The following RBFOX1 variants were observed in gnomAD, a reference collection of about 807,000 sequenced individuals.
RBFOX1 encodes RNA binding fox-1 homolog 1.
Under a neutral mutation model 57.7 loss-of-function variants are expected in RBFOX1, and 8 were observed. That is an observed-to-expected ratio of 0.14 (90% CI 0.08 to 0.25). The LOEUF (loss-of-function observed/expected upper bound fraction) is 0.25, where lower values mean the gene tolerates loss of function less well. Among genes scored for constraint, RBFOX1 ranks in the 10% least tolerant of loss-of-function variants. RBFOX1 has a pLI of 1.00. For synonymous variants in RBFOX1, 326 were observed against 222.4 expected (o/e 1.47, Z -4.15); for missense variants, 611 against 548.5 (o/e 1.11, Z -1.14).
intron 3 of RBFOX1, among the ~76,000 whole-genome samples, chr16:6,969,171 C>T (rs2084957747): frequency 6.6e-6 from 1 of 152,110 alleles, no homozygotes; most frequent in Admixed American, 6.6e-5. Context: ...AAATAGGTAA[C>T]TTAACTTCTC....
rs71142688 is a variant in RBFOX1 at position 6,183,486 on chromosome 16, T to TTAAATAAATAAATAAA, written c.-126-133483_-126-133468dup. ...CAGAGCAAGGCTCCATCTAAAAAAA[T>TTAAATAAATAAATAAA]TAAATAAATAAATAAATAAATAAAT... On this transcript the variant is annotated intron_variant, in intron 1 of 15. Transcript: ENST00000550418. 8.5e-4 allele frequency among the ~76,000 whole-genome samples: 120 copies of TTAAATAAATAAATAAA among 140,892 alleles called. 1 individual carries two copies. Among genetic ancestry groups the TTAAATAAATAAATAAA allele is most frequent in the Admixed American group, 2.0e-3 (27 of 13,780 alleles). 92.4% of individuals were successfully genotyped at this position (140,892 alleles called of 152,430 possible).
At chr16:6,672,355 T>G (rs1288334830) in intron 3 of RBFOX1, among the ~76,000 whole-genome samples, 5 of 124,696 alleles carry the variant, frequency 4.0e-5, no homozygotes, top group East Asian at 2.3e-4. Context: ...GGGAGGAGAG[T>G]GAGAGAGAGA....
At chr16:7,091,221 T>C (rs2060798264) in intron 4 of RBFOX1, among the ~76,000 whole-genome samples, 1 of 152,206 alleles carries the variant, frequency 6.6e-6, no homozygotes, top group African/African-American at 2.4e-5. Context: ...ACACTTCCTC[T>C]GTTTTTACTT....
chr16:5,454,961 T>TTCTTTCTTTCTTTC (rs2068575665), intron 1 of RBFOX1, among the ~76,000 whole-genome samples: 1 of 47,452 alleles, frequency 2.1e-5, no homozygotes, highest in African/African-American at 7.4e-5. Flanking sequence ...CTTCCTTCCT[T>TTCTTTCTTTCTTTC]TCTTTCTTTC....
chr16:6,932,684 CAT>C (rs1419755294), intron 3 of RBFOX1, among the ~76,000 whole-genome samples: 2 of 152,166 alleles, frequency 1.3e-5, no homozygotes, highest in African/African-American at 4.8e-5. Context: ...TGCTCAAACA[CAT>C]GTCTCTACTT....
rs75888516 is a variant in RBFOX1, at chr16:7,127,347, G to T, written c.27+75249G>T. On this transcript the variant is annotated intron_variant, in intron 4 of 15. Transcript: ENST00000550418. ...AGAAGGTTAAAAGTAACAATCTCAG[G>T]TCTGGTTATAAGCATTTTGTAAATA... 4.1e-4 allele frequency among the ~76,000 whole-genome samples: 62 copies of T among 152,182 alleles called. No homozygotes were observed. In the East Asian group the frequency reaches 0.01, roughly 25 times the overall value.
intron 2 of RBFOX1, among the ~76,000 whole-genome samples, chr16:6,598,563 C>T (rs2097802732): frequency 6.6e-6 from 1 of 152,158 alleles, no homozygotes; most frequent in African/African-American, 2.4e-5. Context: ...ATGAGAAACA[C>T]TTTAAAAGTT....
At chr16:5,913,915 A>T (rs565890015) in intron 4 of RBFOX1, among the ~76,000 whole-genome samples, 80 of 152,370 alleles carry the variant, frequency 5.3e-4, no homozygotes, top group African/African-American at 1.8e-3. Context: ...TAAGAGGTGG[A>T]CAGGGTATAT....
intron 2 of RBFOX1, among the ~76,000 whole-genome samples, chr16:6,491,280 T>G (rs918776172): frequency 8.5e-5 from 13 of 152,050 alleles, no homozygotes; most frequent in African/African-American, 3.1e-4. Flanking sequence ...AAAATAGCCA[T>G]TTTAATTCCA....
intron 1 of RBFOX1, among the ~76,000 whole-genome samples, chr16:6,228,563 A>G (rs1046293518): frequency 6.6e-6 from 1 of 152,232 alleles, no homozygotes; most frequent in Non-Finnish European, 1.5e-5. Context: ...AGCCAGACAT[A>G]GAAAGACAAA....
At chr16:6,293,773 C>G (rs1036926192) in intron 1 of RBFOX1, among the ~76,000 whole-genome samples, 4 of 152,054 alleles carry the variant, frequency 2.6e-5, no homozygotes, top group African/African-American at 7.2e-5. Context: ...ATTTTCCTAA[C>G]CAGAGGGTCC....
At chr16:7,627,119 GCCT>G (rs2060190750) in intron 10 of RBFOX1, among the ~76,000 whole-genome samples, 1 of 121,544 alleles carries the variant, frequency 8.2e-6, no homozygotes, top group African/African-American at 3.5e-5. Flanking sequence ...AAGCCCCTCC[GCCT>G]CCTTTTTTTT....
chr16:7,007,380 G>C (rs1160334917), intron 3 of RBFOX1, among the ~76,000 whole-genome samples: 1 of 152,152 alleles, frequency 6.6e-6, no homozygotes, highest in Non-Finnish European at 1.5e-5. Context: ...AAAGTCTTGT[G>C]TTTTAAAGTG....
chr16:6,740,098 C>T (rs1286011773), intron 3 of RBFOX1, among the ~76,000 whole-genome samples: 2 of 152,130 alleles, frequency 1.3e-5, no homozygotes, highest in Non-Finnish European at 2.9e-5. Flanking sequence ...TCCAGTAATA[C>T]AATACTAATT....
chr16:5,804,463 C>A (rs1410640809), intron 3 of RBFOX1, among the ~76,000 whole-genome samples: 4 of 152,160 alleles, frequency 2.6e-5, no homozygotes, highest in African/African-American at 9.7e-5. Flanking sequence ...AAGGTTTGAA[C>A]TTTGAGGATG....
At chr16:7,089,970 A>C (rs1391334800) in intron 4 of RBFOX1, among the ~76,000 whole-genome samples, 5 of 150,930 alleles carry the variant, frequency 3.3e-5, no homozygotes, top group African/African-American at 9.7e-5. Flanking sequence ...CTGTTTAAGG[A>C]GATATGAATT....
intron 3 of RBFOX1, among the ~76,000 whole-genome samples, chr16:6,901,148 T>C (rs1254293112): frequency 1.3e-5 from 2 of 152,196 alleles, no homozygotes; most frequent in Non-Finnish European, 2.9e-5. Flanking sequence ...AGACTGTCTC[T>C]TTCATGTCTC....
chr16:5,514,669 C>G (rs2043725789), intron 2 of RBFOX1, among the ~76,000 whole-genome samples: 1 of 151,738 alleles, frequency 6.6e-6, no homozygotes, highest in African/African-American at 2.4e-5. Context: ...CCATAGGAAG[C>G]TCACATTGAA....
chr16:7,553,069 T>G (rs151282612), intron 5 of RBFOX1, among the ~76,000 whole-genome samples: 1 of 152,302 alleles, frequency 6.6e-6, no homozygotes, highest in East Asian at 1.9e-4. Flanking sequence ...TGCTCCTTCC[T>G]TCTTTCATTC....
Sources: allele counts gnomAD v4.1 joint callset (sites outside exome capture counted in the v4.1 genomes callset), GRCh38; gene constraint gnomAD v4.1.1; transcripts MANE v1.5; gene names NCBI Gene and HGNC (gene_info 2026-07-23, HGNC 2026-07-21).